Variants in TBC1D22A observed in about 807,000 individuals in gnomAD.
The protein encoded by TBC1D22A is TBC1 domain family member 22A.
A neutral mutation model predicts 60.2 loss-of-function variants in TBC1D22A; 38 were observed. The observed-to-expected ratio is 0.63, with a 90% CI of 0.49 to 0.83. The LOEUF is 0.83. Ranked by LOEUF, TBC1D22A falls within the 40% of genes least tolerant of loss-of-function variation. TBC1D22A has a pLI of 0.00. For synonymous variants in TBC1D22A, 302 were observed against 281.7 expected, an observed-to-expected ratio of 1.07 and a Z score of -0.72; for missense variants, 628 against 701.0, an observed-to-expected ratio of 0.90 and a Z score of 1.18.
At chr22:46,795,490 CA>C (rs1287291924) in intron 3 of TBC1D22A, among the ~76,000 whole-genome samples, 1 of 152,218 alleles carries the variant, frequency 6.6e-6, no homozygotes, top group Non-Finnish European at 1.5e-5. Flanking sequence ...GGGATGGCCT[CA>C]TCCTGGAAGA....
intron 1 of TBC1D22A, among the ~76,000 whole-genome samples, chr22:46,769,093 CAAAAAAAA>C (rs61105868): frequency 3.0e-4 from 22 of 72,654 alleles, no homozygotes; most frequent in Non-Finnish European, 4.8e-4. Context: ...GACTCTGTCT[CAAAAAAAA>C]AAAAAAAAAA....
At chr22:47,072,686 A>G (rs1220591191) in intron 11 of TBC1D22A, among the ~76,000 whole-genome samples, 1 of 152,232 alleles carries the variant, frequency 6.6e-6, no homozygotes, top group Non-Finnish European at 1.5e-5. Flanking sequence ...AGAGCTGGAT[A>G]GGTATGTGGT....
At chr22:46,873,358 C>T (rs1359075553) in intron 4 of TBC1D22A, among the ~76,000 whole-genome samples, 2 of 152,230 alleles carry the variant, frequency 1.3e-5, no homozygotes, top group African/African-American at 2.4e-5. Context: ...CCCTTTAACA[C>T]GTACTAGAAT....
At chr22:46,982,997 G>A (rs559977469) in intron 9 of TBC1D22A, among the ~76,000 whole-genome samples, 66 of 152,314 alleles carry the variant, frequency 4.3e-4, no homozygotes, top group African/African-American at 1.5e-3. Context: ...TTGTGGCACC[G>A]CAGTAAGAAG....
chr22:46,766,007 AT>A (rs1179992029), intron 1 of TBC1D22A, among the ~76,000 whole-genome samples: 1 of 63,582 alleles, frequency 1.6e-5, no homozygotes, highest in African/African-American at 5.9e-5. Flanking sequence ...GTGTGTGTGT[AT>A]TTTTTTTGAG....
At chr22:46,925,246 C>G (rs535955942) in intron 8 of TBC1D22A, among the ~76,000 whole-genome samples, 1 of 152,156 alleles carries the variant, frequency 6.6e-6, no homozygotes, top group Non-Finnish European at 1.5e-5. Context: ...CTTTTGTGCT[C>G]CACAGTTAAT....
intron 8 of TBC1D22A, chr22:46,915,548 A>C (rs2070302424): frequency 2.2e-6 from 1 of 456,602 alleles, no homozygotes. Flanking sequence ...TGAGAGCTGC[A>C]GCTGGCCTGG....
intron 8 of TBC1D22A, 36 bp from the exon 9 acceptor site, chr22:46,974,252 TAA>T: frequency 1.9e-6 from 3 of 1,546,458 alleles, no homozygotes; most frequent in Non-Finnish European, 2.6e-6. Flanking sequence ...CCCGTGTGGC[TAA>T]GTCTCCTTGT....
chr22:47,097,395 C>T (rs2065227036), intron 11 of TBC1D22A, among the ~76,000 whole-genome samples: 1 of 152,150 alleles, frequency 6.6e-6, no homozygotes. Context: ...GCAGGTGGAT[C>T]ACGAGGTCAG....
chr22:46,935,765 T>C (rs902280907), intron 8 of TBC1D22A, among the ~76,000 whole-genome samples: 1 of 152,198 alleles, frequency 6.6e-6, no homozygotes, highest in Non-Finnish European at 1.5e-5. Flanking sequence ...GCTGTCGCGC[T>C]GTCTCCTGGG....
intron 1 of TBC1D22A, among the ~76,000 whole-genome samples, chr22:46,768,728 G>A (rs953052152): frequency 6.6e-6 from 1 of 152,122 alleles, no homozygotes; most frequent in Non-Finnish European, 1.5e-5. Context: ...GCTCAGCTCC[G>A]CCTGGCAGGG....
chr22:46,830,215 C>T (rs1345985984), intron 4 of TBC1D22A, among the ~76,000 whole-genome samples: 2 of 152,220 alleles, frequency 1.3e-5, no homozygotes, highest in Non-Finnish European at 2.9e-5. Context: ...TGGAGGCAGG[C>T]TGGCATGGTG....
In TBC1D22A at chr22:47,175,474, G is replaced by A. The variant is rs2068651198; in HGVS notation, c.*1848G>A. 1 of 152,064 alleles carries A rather than the reference G, an allele frequency of 6.6e-6. No homozygotes were observed. The highest frequency in any genetic ancestry group is 1.5e-5 in the Non-Finnish European group (1 of 68,118). The allele number at this position is 152,064 out of a possible 1,614,324, so 9.4% of individuals were successfully genotyped here. On this transcript the variant is annotated 3_prime_UTR_variant, in exon 13 of 13. Coordinates refer to ENST00000337137, the MANE Select transcript of TBC1D22A (RefSeq NM_014346.5). Reference sequence around the variant, plus strand: ...GATCATGCCGTGTGGCCAGAAGGCTGCGGACACAACTGACCTGCTTCTCGA... The same window carrying A: ...GATCATGCCGTGTGGCCAGAAGGCTACGGACACAACTGACCTGCTTCTCGA...
intron 12 of TBC1D22A, among the ~76,000 whole-genome samples, chr22:47,118,820 T>TA (rs1464056449): frequency 1.3e-5 from 2 of 149,268 alleles, no homozygotes; most frequent in Non-Finnish European, 3.0e-5. Context: ...CACATACATT[T>TA]AAAAAATGCT....
At chr22:47,054,795 C>T (rs1342916341) in intron 11 of TBC1D22A, among the ~76,000 whole-genome samples, 2 of 152,146 alleles carry the variant, frequency 1.3e-5, no homozygotes, top group Admixed American at 6.5e-5. Context: ...AGTTGTGGGG[C>T]AAGGGCGAGG....
chr22:47,017,928 G>A (rs755702652), intron 10 of TBC1D22A, among the ~76,000 whole-genome samples: 7 of 152,340 alleles, frequency 4.6e-5, no homozygotes, highest in Non-Finnish European at 7.3e-5. Flanking sequence ...AGCCGCGAAC[G>A]TCCCTTTAAT....
intron 4 of TBC1D22A, among the ~76,000 whole-genome samples, chr22:46,836,405 T>C (rs1405835689): frequency 1.3e-5 from 2 of 152,310 alleles, no homozygotes; most frequent in Admixed American, 6.5e-5. Flanking sequence ...CAGCCTAAAA[T>C]AGATGGTTAG....
At chr22:47,054,368 G>A (rs750446472) in intron 11 of TBC1D22A, among the ~76,000 whole-genome samples, 26 of 152,140 alleles carry the variant, frequency 1.7e-4, no homozygotes, top group Non-Finnish European at 5.9e-5. Flanking sequence ...CTTCTGCCTC[G>A]AGGCACCACT....
intron 1 of TBC1D22A, among the ~76,000 whole-genome samples, chr22:46,769,689 G>T (rs1419406268): frequency 6.6e-6 from 1 of 152,188 alleles, no homozygotes; most frequent in Non-Finnish European, 1.5e-5. Context: ...CAAGGCCATG[G>T]TGAAGATCTG....
Sources: allele counts gnomAD v4.1 joint callset (sites outside exome capture counted in the v4.1 genomes callset), GRCh38; gene constraint gnomAD v4.1.1; transcripts MANE v1.5; gene names NCBI Gene and HGNC (gene_info 2026-07-23, HGNC 2026-07-21).